ZNF420: variants seen among roughly 807,000 people sequenced by gnomAD.
The protein encoded by ZNF420 is zinc finger protein 420, also known as ATM and p53-associated KZNF protein.
In ZNF420, 31 loss-of-function variants were observed where a neutral mutation model predicts 44.7. The ratio of observed to expected loss-of-function variants is 0.69; its 90% CI spans 0.52 to 0.94. The LOEUF (loss-of-function observed/expected upper bound fraction) is 0.94, where lower values mean the gene tolerates loss of function less well. ZNF420 is among the 40% of genes least tolerant of loss of function. The pLI is 0.00. For missense variants in ZNF420, 681 were observed against 827.9 expected (o/e 0.82, Z 2.18); for synonymous variants, 245 against 267.4 (o/e 0.92, Z 0.82).
intron 4 of ZNF420, among the ~76,000 whole-genome samples, chr19:37,102,118 CT>C (rs1415230007): frequency 6.6e-6 from 1 of 152,030 alleles, no homozygotes; most frequent in East Asian, 1.9e-4. Context: ...CCTGGACCCC[CT>C]GAGGATGTGC....
chr19:37,124,697 C>T lies in ZNF420; in HGVS notation c.137-2431C>T, dbSNP rs145500806. Among the ~76,000 whole-genome samples, 510 of 151,954 alleles carry T rather than the reference C, an allele frequency of 3.4e-3. 6 individuals are homozygous for T. Among genetic ancestry groups the T allele is most frequent in the African/African-American group, 0.012 (487 of 41,444 alleles). On this transcript the variant is annotated intron_variant, in intron 4 of 4. Coordinates refer to ENST00000337995, the MANE Select transcript of ZNF420 (RefSeq NM_144689.5). ...TTTCTTTTTTTATGAGCCAGAGTCT[C>T]GCTCTGTTGCCCAGGCTGGCTTGCT...
rs1968661460 is a variant in ZNF420 at position 37,084,730 on chromosome 19, G to GT, written c.-80-4303dup. Among the ~76,000 whole-genome samples the GT allele has an allele frequency of 2.6e-5, 4 of 151,776 alleles. No homozygotes were observed. The South Asian group carries it at 8.3e-4, about 32-fold the overall frequency. On this transcript the variant is annotated intron_variant, in intron 2 of 4. Coordinates refer to ENST00000337995, the MANE Select transcript of ZNF420 (RefSeq NM_144689.5). ...TATCCATGGGATGATTTGTATTTCT[G>GT]TTTTTTCTTGTGTGAATTTTGGCAA...
chr19:37,081,728 C>T (rs1968476432), intron 2 of ZNF420, among the ~76,000 whole-genome samples: 1 of 98,138 alleles, frequency 1.0e-5, no homozygotes, highest in Non-Finnish European at 2.0e-5. Context: ...TTTTTTTTAG[C>T]AGAGATGGGG....
intron 4 of ZNF420, among the ~76,000 whole-genome samples, chr19:37,125,770 C>T: frequency 7.5e-6 from 1 of 133,508 alleles, no homozygotes; most frequent in South Asian, 2.7e-4. Flanking sequence ...CTATGGCAAG[C>T]AGTCTTGAAT....
intron 1 of ZNF420, among the ~76,000 whole-genome samples, chr19:37,072,420 A>G (rs1408441548): frequency 6.6e-6 from 1 of 152,226 alleles, no homozygotes; most frequent in Non-Finnish European, 1.5e-5. Flanking sequence ...AAGCACACAG[A>G]ATCCACAGGA....
chr19:37,070,139 A>G (rs960952868), intron 1 of ZNF420, among the ~76,000 whole-genome samples: 9 of 152,132 alleles, frequency 5.9e-5, no homozygotes, highest in Admixed American at 5.9e-4. Flanking sequence ...TGTATGTCCC[A>G]TACACATATA....
intron 4 of ZNF420, among the ~76,000 whole-genome samples, chr19:37,114,058 G>A (rs910919690): frequency 6.6e-6 from 1 of 152,238 alleles, no homozygotes; most frequent in Admixed American, 6.5e-5. Context: ...CTCATATCTG[G>A]CCTCAGCTAG....
intron 4 of ZNF420, among the ~76,000 whole-genome samples, chr19:37,123,027 A>G (rs977477952): frequency 4.6e-5 from 7 of 152,176 alleles, no homozygotes; most frequent in African/African-American, 1.4e-4. Context: ...TAGCACTTCC[A>G]TTGTTCCAAC....
At chr19:37,108,120 CTTGTA>C (rs2146644815) in intron 4 of ZNF420, among the ~76,000 whole-genome samples, 1 of 152,298 alleles carries the variant, frequency 6.6e-6, no homozygotes, top group East Asian at 1.9e-4. Context: ...ATTCCACCAT[CTTGTA>C]GAATTCTTTT....
intron 1 of ZNF420, among the ~76,000 whole-genome samples, chr19:37,038,901 G>T (rs146509743): frequency 2.0e-5 from 3 of 151,858 alleles, no homozygotes; most frequent in African/African-American, 4.8e-5. Flanking sequence ...CAGGAGAATC[G>T]CTTGAACCCA....
chr19:37,115,788 G>A (rs1001009154), intron 4 of ZNF420, among the ~76,000 whole-genome samples: 4 of 151,886 alleles, frequency 2.6e-5, no homozygotes, highest in Non-Finnish European at 5.9e-5. Context: ...CCCTTCCCAC[G>A]AGGCCATATC....
At chr19:37,101,058 G>A (rs1180281353) in intron 4 of ZNF420, among the ~76,000 whole-genome samples, 2 of 142,070 alleles carry the variant, frequency 1.4e-5, no homozygotes, top group East Asian at 2.1e-4. Flanking sequence ...GTTTCCTGTT[G>A]GCCTATGGAA....
intron 1 of ZNF420, among the ~76,000 whole-genome samples, chr19:37,041,344 C>A (rs1206688384): frequency 6.6e-6 from 1 of 151,026 alleles, no homozygotes; most frequent in Non-Finnish European, 1.5e-5. Context: ...CAACATGTTA[C>A]ATAATTTATA....
At chr19:37,041,433 A>G (rs1967451290) in intron 1 of ZNF420, among the ~76,000 whole-genome samples, 1 of 152,178 alleles carries the variant, frequency 6.6e-6, no homozygotes, top group Admixed American at 6.5e-5. Context: ...ATCAGCCTAT[A>G]AACTTATATA....
At chr19:37,022,517 G>T (rs2074657152) in intron 1 of ZNF420, among the ~76,000 whole-genome samples, 1 of 151,984 alleles carries the variant, frequency 6.6e-6, no homozygotes, top group Non-Finnish European at 1.5e-5. Flanking sequence ...TTCAAAAAGG[G>T]ATGAGTAATT....
chr19:37,063,894 A>T (rs965623339), intron 1 of ZNF420, among the ~76,000 whole-genome samples: 1 of 152,204 alleles, frequency 6.6e-6, no homozygotes, highest in Non-Finnish European at 1.5e-5. Flanking sequence ...AGAATCATGC[A>T]TTGCCTTTAG....
chr19:37,128,403 G>A lies in ZNF420; in HGVS notation c.1412G>A (p.Gly471Asp). Residue 471 changes from glycine (G) to aspartate (D), a missense_variant, in exon 5 of 5, where the codon GGT (glycine) becomes GAT (aspartate). Gly to Asp is a moderately conservative substitution (Grantham distance 94). This residue lies in a region of ZNF420 where 280 missense variants were observed against 338.6 expected (regional missense o/e 0.83). Coordinates refer to ENST00000337995, the MANE Select transcript of ZNF420 (RefSeq NM_144689.5). ...ACTCAACATGAGCGAATTCACACAG[G>A]TGAGAAACCCTATGAATGTAAGGAA... ...ELTQHERIHT[G>D]EKPYECKECG... The A allele has an allele frequency of 6.2e-7, 1 of 1,614,054 alleles. No homozygotes were observed. The highest frequency in any genetic ancestry group is 1.7e-5 in the Admixed American group (1 of 60,020).
intron 4 of ZNF420, chr19:37,109,721 C>T (rs2146654013): frequency 6.6e-6 from 1 of 152,356 alleles, no homozygotes; most frequent in South Asian, 2.1e-4. Flanking sequence ...AGCAAAACCT[C>T]TCCTCCACGT....
chr19:37,102,153 C>T (rs926167905), intron 4 of ZNF420, among the ~76,000 whole-genome samples: 2 of 152,046 alleles, frequency 1.3e-5, no homozygotes, highest in African/African-American at 4.8e-5. Flanking sequence ...CTGATGAGCC[C>T]ATCTCAGCCC....
Sources: gnomAD v4.1 joint callset for allele counts (sites outside exome capture counted in the v4.1 genomes callset) on GRCh38, gnomAD v4.1.1 for gene constraint, gnomAD v4.1.1 regional missense constraint, MANE v1.5 for transcripts, NCBI Gene and HGNC (gene_info 2026-07-23, HGNC 2026-07-21) for gene names.